ABCA10: variants seen among roughly 807,000 people sequenced by gnomAD.
ABCA10 encodes the protein ATP-binding cassette sub-family A member 10.
A neutral mutation model predicts 187.5 loss-of-function variants in ABCA10; 169 were observed. The ratio of observed to expected loss-of-function variants is 0.90; its 90% CI spans 0.80 to 1.02. The LOEUF is 1.02. Among genes scored for constraint, ABCA10 ranks in the 50% least tolerant of loss-of-function variants. The pLI, the probability that ABCA10 is intolerant of heterozygous loss-of-function variation, is 0.00. For missense variants in ABCA10, 1,727 were observed against 1,812.4 expected (o/e 0.95, Z 0.86); for synonymous variants, 574 against 601.8 (o/e 0.95, Z 0.68).
intron 1 of ABCA10, among the ~76,000 whole-genome samples, chr17:69,238,883 G>T (rs1025688700): frequency 2.6e-5 from 4 of 152,104 alleles, no homozygotes; most frequent in African/African-American, 9.7e-5. Flanking sequence ...ACCCATCATT[G>T]ATTTAATTGT....
chr17:69,214,953 T>C, intron 8 of ABCA10, 102 bp from the exon 9 acceptor site: 1 of 770,256 alleles, frequency 1.3e-6, no homozygotes, highest in South Asian at 3.0e-5. Flanking sequence ...GTAATTAATA[T>C]TTTAATACCT....
At chr17:69,234,851 C>T (rs8064431) in intron 1 of ABCA10, 3 of 152,050 alleles carry the variant, frequency 2.0e-5, no homozygotes, top group South Asian at 2.1e-4. Flanking sequence ...AGTTCTTATA[C>T]GTCAAGTCTC....
chr17:69,209,220 T>C (rs895541831), intron 9 of ABCA10, among the ~76,000 whole-genome samples: 1 of 152,262 alleles, frequency 6.6e-6, no homozygotes, highest in East Asian at 1.9e-4. Context: ...GTGCTTTCAC[T>C]GTGATCTGTA....
At chr17:69,237,280 C>A (rs1726031427) in intron 1 of ABCA10, among the ~76,000 whole-genome samples, 1 of 152,148 alleles carries the variant, frequency 6.6e-6, no homozygotes. Flanking sequence ...CATTCCAGAT[C>A]AATGCAAAAT....
intron 34 of ABCA10, among the ~76,000 whole-genome samples, chr17:69,152,890 CT>C (rs1481064042): frequency 6.6e-6 from 1 of 151,956 alleles, no homozygotes; most frequent in Non-Finnish European, 1.5e-5. Context: ...GTTATATTGC[CT>C]AATGATAGTA....
intron 27 of ABCA10, among the ~76,000 whole-genome samples, chr17:69,160,641 A>AT (rs2074210255): frequency 6.6e-6 from 1 of 152,182 alleles, no homozygotes; most frequent in Non-Finnish European, 1.5e-5. Flanking sequence ...AATAACTTGA[A>AT]TAAATATTTC....
intron 35 of ABCA10, 23 bp downstream of exon 35, chr17:69,152,339 T>A: frequency 6.2e-7 from 1 of 1,607,122 alleles, no homozygotes; most frequent in Non-Finnish European, 8.5e-7. Flanking sequence ...GCTAGTCCCA[T>A]GCTGGTCAGG....
At chr17:69,155,524 A>C (rs1568048933) in intron 29 of ABCA10, among the ~76,000 whole-genome samples, 1 of 152,196 alleles carries the variant, frequency 6.6e-6, no homozygotes, top group Non-Finnish European at 1.5e-5. Flanking sequence ...CTCTTGAAAA[A>C]TGTGCGATTT....
At chr17:69,195,439 A>C (rs1490217300) in intron 11 of ABCA10, among the ~76,000 whole-genome samples, 4 of 151,148 alleles carry the variant, frequency 2.6e-5, no homozygotes, top group Admixed American at 1.3e-4. Flanking sequence ...GCAGAAACAT[A>C]TTTTAATTTT....
intron 27 of ABCA10, among the ~76,000 whole-genome samples, chr17:69,162,923 C>T (rs4358004): frequency 0.56 from 83,992 of 150,932 alleles, 24,943 homozygotes; most frequent in Non-Finnish European, 0.67. Context: ...ACTGCAACCT[C>T]CATCTCCTGG....
intron 9 of ABCA10, among the ~76,000 whole-genome samples, chr17:69,210,258 C>T (rs1413009616): frequency 7.5e-6 from 1 of 133,678 alleles, no homozygotes; most frequent in Non-Finnish European, 1.5e-5. Flanking sequence ...GGCGCAATCT[C>T]GGCTCACTGC....
Position 69,227,239 on chromosome 17 carries a change from T to C in ABCA10, c.-266A>G, listed in dbSNP as rs2074801876. 6.6e-6 allele frequency: 1 copy of C among 151,342 alleles called. No homozygotes were observed. The highest frequency in any genetic ancestry group is 1.5e-5 in the Non-Finnish European group (1 of 67,548). The allele number at this position is 151,342 out of a possible 1,614,324, so 9.4% of individuals were successfully genotyped here. ...GCACGCTTATCTCTTTTTTAACCAT[T>C]TTGTCCTGTTCATTAACAGGGTAAA... On this transcript the variant is annotated 5_prime_UTR_variant, in exon 2 of 39. Transcript: ENST00000690296.
intron 27 of ABCA10, among the ~76,000 whole-genome samples, chr17:69,163,177 T>C (rs1455375236): frequency 3.9e-5 from 6 of 152,222 alleles, no homozygotes; most frequent in Middle Eastern, 3.4e-3. Context: ...AGTTCCATTT[T>C]CCCATGAGGA....
intron 22 of ABCA10, among the ~76,000 whole-genome samples, chr17:69,177,828 T>C (rs1440623851): frequency 1.3e-5 from 2 of 150,338 alleles, no homozygotes; most frequent in African/African-American, 2.4e-5. Context: ...TGGTGGTGCA[T>C]GCCTGTAATT....
At chr17:69,151,554 C>T (rs1240533906) in intron 36 of ABCA10, among the ~76,000 whole-genome samples, 1 of 152,160 alleles carries the variant, frequency 6.6e-6, no homozygotes, top group East Asian at 1.9e-4. Flanking sequence ...TTACTTGTAA[C>T]ACATGGTTGA....
At chr17:69,215,651 T>C in intron 8 of ABCA10, 164 bp downstream of exon 8, 1 of 603,290 alleles carries the variant, frequency 1.7e-6, no homozygotes, top group Non-Finnish European at 2.6e-6. Flanking sequence ...GCTTTGTTTA[T>C]CCATTTGATA....
At chr17:69,166,345 A>AT (rs1267968977) in intron 25 of ABCA10, among the ~76,000 whole-genome samples, 1 of 152,040 alleles carries the variant, frequency 6.6e-6, no homozygotes, top group Middle Eastern at 3.2e-3. Context: ...ATTACAAAAA[A>AT]AAAAAAGGTT....
chr17:69,213,465 G>A (rs2074676157), intron 9 of ABCA10, among the ~76,000 whole-genome samples: 1 of 152,132 alleles, frequency 6.6e-6, no homozygotes, highest in Admixed American at 6.5e-5. Context: ...GGGAATTATG[G>A]CTACTTCTGC....
rs753094771 is a variant in ABCA10, at chr17:69,153,822, T to G, written c.3965+9A>C. On this transcript the variant is annotated intron_variant, in intron 32 of 38. Coordinates refer to ENST00000690296, the MANE Select transcript of ABCA10 (RefSeq NM_001377321.1). ...CTCCTGCTACAAATTGTGAGACTTC[T>G]CTCTGTACCGTGAAATACTGAGAGC... 1 of 1,609,170 alleles carries G rather than the reference T, an allele frequency of 6.2e-7. No individual in the cohort carries two copies.
Sources: gnomAD v4.1 joint callset for allele counts (sites outside exome capture counted in the v4.1 genomes callset) on GRCh38, gnomAD v4.1.1 for gene constraint, MANE v1.5 for transcripts, NCBI Gene and HGNC (gene_info 2026-07-23, HGNC 2026-07-21) for gene names.